The following NSG1 variants were observed in gnomAD, a reference collection of about 807,000 sequenced individuals.
NSG1 encodes the protein neuronal vesicle trafficking-associated protein 1.
Under a neutral mutation model 19.3 loss-of-function variants are expected in NSG1, and 9 were observed. The observed-to-expected ratio is 0.47, with a 90% CI of 0.28 to 0.81. NSG1 has a LOEUF of 0.81. NSG1 is among the 40% of genes least tolerant of loss of function. NSG1 has a pLI of 0.11. For synonymous variants in NSG1, 104 were observed against 107.0 expected (o/e 0.97, Z 0.17); for missense variants, 236 against 242.4 (o/e 0.97, Z 0.18).
chr4:4,410,028 G>C (rs1271145771), intron 4 of NSG1, among the ~76,000 whole-genome samples: 1 of 152,226 alleles, frequency 6.6e-6, no homozygotes, highest in Non-Finnish European at 1.5e-5. Context: ...ATTGCTCTGG[G>C]GGAGGGAGGG....
At position 4,418,533 on chromosome 4, in the gene NSG1, T is replaced by TTATG. The variant is rs1724717758; in HGVS notation, c.*1100_*1103dup. 6.6e-6 allele frequency: 1 copy of TTATG among 152,566 alleles called. No individual in the cohort carries two copies. Among genetic ancestry groups the TTATG allele is most frequent in the South Asian group, 2.1e-4 (1 of 4,814 alleles). The allele number at this position is 152,566 out of a possible 1,614,324, so 9.5% of individuals were successfully genotyped here. ...CCAGTTTGAATCTTGATATTAAAGT[T>TTATG]TATGTTTACAAAACTGCCAGTTAGA... is the stretch of plus-strand genomic sequence containing the variant. On this transcript the variant is annotated 3_prime_UTR_variant, in exon 5 of 5. Transcript: ENST00000621129.
chr4:4,393,865 C>G (rs1723116014), intron 3 of NSG1, among the ~76,000 whole-genome samples: 1 of 152,168 alleles, frequency 6.6e-6, no homozygotes, highest in African/African-American at 2.4e-5. Flanking sequence ...TCCATCTCCT[C>G]CCAGGGCAGG....
chr4:4,387,270 C>T, intron 1 of NSG1, 97 bp downstream of exon 1: 1 of 224,390 alleles, frequency 4.5e-6, no homozygotes, highest in Non-Finnish European at 8.7e-6. Flanking sequence ...GTACGCGGGA[C>T]GGGGCTGTGA....
chr4:4,398,542 T>C (rs546737521), intron 3 of NSG1, among the ~76,000 whole-genome samples: 13 of 152,238 alleles, frequency 8.5e-5, no homozygotes, highest in Non-Finnish European at 1.8e-4. Context: ...TTGTAAGATG[T>C]GATGTGACCA....
chr4:4,405,182 C>T (rs1723784231), intron 3 of NSG1, among the ~76,000 whole-genome samples: 1 of 152,214 alleles, frequency 6.6e-6, no homozygotes, highest in African/African-American at 2.4e-5. Context: ...TGGAGGTTGC[C>T]ACCATCCTTG....
intron 1 of NSG1, 43 bp from the exon 2 acceptor site, chr4:4,387,561 C>CGGGGGTGGGGTGG: frequency 8.8e-7 from 1 of 1,141,992 alleles, no homozygotes; most frequent in Non-Finnish European, 1.2e-6. Flanking sequence ...CGCCCCGCCC[C>CGGGGGTGGGGTGG]GGGTCTTGCT....
chr4:4,387,493 G>A, intron 1 of NSG1, 111 bp from the exon 2 acceptor site: 2 of 696,872 alleles, frequency 2.9e-6, no homozygotes, highest in Non-Finnish European at 4.9e-6. Flanking sequence ...AGACGAAGCG[G>A]GGCCGGGGAG....
At chr4:4,403,032 C>G (rs951115920) in intron 3 of NSG1, among the ~76,000 whole-genome samples, 1 of 152,194 alleles carries the variant, frequency 6.6e-6, no homozygotes, top group African/African-American at 2.4e-5. Context: ...TGGGTCGGCT[C>G]CAGGTGTCCA....
chr4:4,398,700 A>G (rs1723398321), intron 3 of NSG1, among the ~76,000 whole-genome samples: 6 of 152,178 alleles, frequency 3.9e-5, no homozygotes, highest in Admixed American at 3.9e-4. Context: ...GTTGATAGAC[A>G]TTTGGGTTGT....
intron 3 of NSG1, among the ~76,000 whole-genome samples, chr4:4,403,306 A>G (rs1723669092): frequency 6.6e-6 from 1 of 152,120 alleles, no homozygotes; most frequent in Admixed American, 6.5e-5. Context: ...AGTCAGTTTC[A>G]TTGCACCAAA....
intron 3 of NSG1, among the ~76,000 whole-genome samples, chr4:4,397,410 C>A (rs74351177): frequency 1.3e-5 from 2 of 152,224 alleles, no homozygotes; most frequent in African/African-American, 4.8e-5. Context: ...GACCCAAGGT[C>A]ACCCAGCTAA....
At chr4:4,402,418 TG>T (rs1560143323) in intron 3 of NSG1, among the ~76,000 whole-genome samples, 14 of 131,884 alleles carry the variant, frequency 1.1e-4, no homozygotes, top group East Asian at 4.3e-4. Context: ...GACGGAGTCT[TG>T]CTCTGTCGCC....
chr4:4,391,413 ACC>A, intron 2 of NSG1, 60 bp from the exon 3 acceptor site: 1 of 1,127,888 alleles, frequency 8.9e-7, no homozygotes, highest in Non-Finnish European at 1.3e-6. Flanking sequence ...TCCCAGACCC[ACC>A]CTCTTTGGGC....
chr4:4,413,665 A>G (rs1434564988), intron 4 of NSG1, among the ~76,000 whole-genome samples: 1 of 151,540 alleles, frequency 6.6e-6, no homozygotes, highest in South Asian at 2.1e-4. Flanking sequence ...AGGATGAACC[A>G]GCTTACGGCC....
intron 3 of NSG1, among the ~76,000 whole-genome samples, chr4:4,398,891 A>G (rs1723404533): frequency 6.6e-6 from 1 of 152,232 alleles, no homozygotes; most frequent in Non-Finnish European, 1.5e-5. Context: ...GTACCATTTT[A>G]CATTGCCATT....
Position 4,416,949 on chromosome 4 carries a change from A to G in NSG1, c.358-286A>G, listed in dbSNP as rs1236288538. Among the ~76,000 whole-genome samples the G allele has an allele frequency of 2.6e-5, 4 of 152,334 alleles. No individual in the cohort carries two copies. In the East Asian group the frequency reaches 7.7e-4, roughly 29 times the overall value. ...TTGATTAAAAATGACAACTAGTGCAAGATCTTCAGTGAAGTAAGGCCTGCT... is the reference window on the plus strand; with the variant it reads ...TTGATTAAAAATGACAACTAGTGCAGGATCTTCAGTGAAGTAAGGCCTGCT... On this transcript the variant is annotated intron_variant, in intron 4 of 4. Coordinates refer to ENST00000621129, the MANE Select transcript of NSG1 (RefSeq NM_014392.5).
chr4:4,402,993 A>T (rs1214426460), intron 3 of NSG1, among the ~76,000 whole-genome samples: 1 of 152,158 alleles, frequency 6.6e-6, no homozygotes, highest in Non-Finnish European at 1.5e-5. Flanking sequence ...AACTAAATCC[A>T]CGTTCTGTTC....
chr4:4,407,730 G>A (rs553672635), intron 3 of NSG1, among the ~76,000 whole-genome samples: 1 of 152,290 alleles, frequency 6.6e-6, no homozygotes, highest in South Asian at 2.1e-4. Flanking sequence ...CCAGGCATCT[G>A]CAGCCTTGCA....
At chr4:4,395,407 G>T (rs1577282234) in intron 3 of NSG1, among the ~76,000 whole-genome samples, 1 of 152,326 alleles carries the variant, frequency 6.6e-6, no homozygotes. Context: ...GGTGCTTTTT[G>T]GGAATGCTAA....
Sources: allele counts gnomAD v4.1 joint callset (sites outside exome capture counted in the v4.1 genomes callset), GRCh38; gene constraint gnomAD v4.1.1; transcripts MANE v1.5; gene names NCBI Gene and HGNC (gene_info 2026-07-23, HGNC 2026-07-21).